The following PYGB variants were observed in gnomAD, a reference collection of about 807,000 sequenced individuals.
PYGB encodes the protein glycogen phosphorylase B, also known as glycogen phosphorylase, brain form.
In PYGB, 82 loss-of-function variants were observed where a neutral mutation model predicts 94.3. The ratio of observed to expected loss-of-function variants is 0.87; its 90% CI spans 0.73 to 1.04. The LOEUF (loss-of-function observed/expected upper bound fraction) is 1.04, where lower values mean the gene tolerates loss of function less well. Ranked by LOEUF, PYGB falls within the 50% of genes least tolerant of loss-of-function variation. PYGB has a pLI of 0.00. For synonymous variants in PYGB, 488 were observed against 479.1 expected (o/e 1.02, Z -0.24); for missense variants, 1,132 against 1,158.2 (o/e 0.98, Z 0.33).
At chr20:25,261,308 C>T (rs556541407) in intron 2 of PYGB, among the ~76,000 whole-genome samples, 30 of 152,334 alleles carry the variant, frequency 2.0e-4, no homozygotes, top group Non-Finnish European at 3.2e-4. Context: ...CAGGCAGCAA[C>T]GTTTGCTGTT....
intron 2 of PYGB, among the ~76,000 whole-genome samples, chr20:25,268,167 C>CCT (rs1555806073): frequency 1.1e-5 from 1 of 94,922 alleles, no homozygotes; most frequent in South Asian, 5.1e-4. Flanking sequence ...ACCCGCCCCC[C>CCT]CCCCATATCC....
chr20:25,261,023 G>C (rs1057006631), intron 2 of PYGB, among the ~76,000 whole-genome samples: 1 of 152,222 alleles, frequency 6.6e-6, no homozygotes, highest in Non-Finnish European at 1.5e-5. Context: ...AAGTAGGCCT[G>C]CCTGCCTCTG....
Position 25,296,722 on chromosome 20 carries a change from TGTAAA to T in PYGB, c.*202_*206del. On this transcript the variant is annotated 3_prime_UTR_variant, in exon 20 of 20. Coordinates refer to ENST00000216962, the MANE Select transcript of PYGB (RefSeq NM_002862.4). ...TGTGCTAGAAGTGCTCCTAGTTTCTTGTAAAGGAAGCCAGAGTTGACAGTACAAAG... is the reference window on the plus strand; with the variant it reads ...TGTGCTAGAAGTGCTCCTAGTTTCTTGGAAGCCAGAGTTGACAGTACAAAG... The T allele has an allele frequency of 2.8e-6, 2 of 714,860 alleles. No homozygotes were observed. The highest frequency in any genetic ancestry group is 4.4e-6 in the Non-Finnish European group (2 of 452,264). 44.3% of individuals were successfully genotyped at this position (714,860 alleles called of 1,614,324 possible). A position where few individuals can be genotyped will look rare whatever the true frequency, so the allele number is the denominator to read the frequency against.
At chr20:25,254,249 G>C (rs1483854383) in intron 1 of PYGB, among the ~76,000 whole-genome samples, 1 of 152,074 alleles carries the variant, frequency 6.6e-6, no homozygotes, top group Admixed American at 6.6e-5. Context: ...GTCACCAGCT[G>C]TCCTGCTTAA....
chr20:25,279,713 G>T (rs560462486), intron 9 of PYGB, among the ~76,000 whole-genome samples: 1 of 152,136 alleles, frequency 6.6e-6, no homozygotes, highest in East Asian at 1.9e-4. Flanking sequence ...AGCCAGGTGT[G>T]GCAGCACACA....
chr20:25,285,997 C>T (rs6107022), intron 14 of PYGB, among the ~76,000 whole-genome samples: 12,062 of 152,308 alleles, frequency 0.079, 700 homozygotes, highest in South Asian at 0.18. Context: ...GTCTTAACTC[C>T]ACTTCCTTCC....
intron 17 of PYGB, chr20:25,293,913 T>G: frequency 1.8e-6 from 1 of 545,842 alleles, no homozygotes; most frequent in Non-Finnish European, 3.3e-6. Context: ...GTGATGACAT[T>G]TCTTTAACAG....
chr20:25,285,478 C>CGTCA (rs1447846368), intron 14 of PYGB: 1 of 151,812 alleles, frequency 6.6e-6, no homozygotes, highest in African/African-American at 2.4e-5. Context: ...CACCCCCAGT[C>CGTCA]GTCAGTTGTT....
At chr20:25,291,643 C>T (rs888912898) in intron 16 of PYGB, among the ~76,000 whole-genome samples, 9 of 152,086 alleles carry the variant, frequency 5.9e-5, no homozygotes, top group Admixed American at 2.0e-4. Flanking sequence ...CTCCTCTGAC[C>T]GAAGCATCTC....
At chr20:25,257,395 C>T (rs2092904727) in intron 1 of PYGB, among the ~76,000 whole-genome samples, 1 of 152,224 alleles carries the variant, frequency 6.6e-6, no homozygotes, top group South Asian at 2.1e-4. Context: ...CTAGGCCCAG[C>T]ACTTCCCGTG....
chr20:25,278,476 C>T lies in PYGB; in HGVS notation c.999+14C>T, dbSNP rs200861283. 26 of 1,613,100 alleles carry T rather than the reference C, an allele frequency of 1.6e-5. No homozygotes were observed. Among genetic ancestry groups the T allele is most frequent in the Non-Finnish European group, 2.2e-5 (26 of 1,179,302 alleles). ...TTCCCAGACAAGGTGCATGGTGGCC[C>T]TGGGAGGGATCTCAGTGCCAGGGGC... On this transcript the variant is annotated intron_variant, in intron 8 of 19. Transcript: ENST00000216962.
At chr20:25,274,800 A>C in intron 5 of PYGB, 77 bp downstream of exon 5, 1 of 1,542,340 alleles carries the variant, frequency 6.5e-7, no homozygotes. Context: ...TAGACAGCTC[A>C]GCTTCTTTTG....
chr20:25,266,849 C>A (rs1303069338), intron 2 of PYGB, among the ~76,000 whole-genome samples: 1 of 152,206 alleles, frequency 6.6e-6, no homozygotes, highest in African/African-American at 2.4e-5. Flanking sequence ...ATCATAAACA[C>A]AGAGAACAAG....
At chr20:25,264,495 G>C in intron 2 of PYGB, among the ~76,000 whole-genome samples, 1 of 152,164 alleles carries the variant, frequency 6.6e-6, no homozygotes. Flanking sequence ...GTCCCTGTTT[G>C]CTGATGACAT....
In PYGB at chr20:25,286,905, T is replaced by A. The variant is rs1396445525; in HGVS notation, c.1769-1520T>A. Among the ~76,000 whole-genome samples, 5 of 152,354 alleles carry A rather than the reference T, an allele frequency of 3.3e-5. No homozygotes were observed. In the East Asian group the frequency reaches 7.7e-4, roughly 24 times the overall value. On this transcript the variant is annotated intron_variant, in intron 14 of 19. Transcript: ENST00000216962. ...TTCTTTCCTAGTTGTGGTGAAATCA[T>A]CACTTGTGTGTTTCGTTTTTCCTGT... is the stretch of plus-strand genomic sequence containing the variant.
intron 5 of PYGB, among the ~76,000 whole-genome samples, chr20:25,276,357 T>G (rs2123559983): frequency 6.6e-6 from 1 of 152,126 alleles, no homozygotes. Context: ...GGATGATTCT[T>G]CAGTCAAAGC....
chr20:25,263,544 A>G (rs1003075296), intron 2 of PYGB, among the ~76,000 whole-genome samples: 105 of 152,350 alleles, frequency 6.9e-4, no homozygotes, highest in African/African-American at 2.5e-3. Flanking sequence ...CAAGACTAAT[A>G]AAGAGGAAAA....
At chr20:25,272,759 C>T (rs1005483378) in intron 4 of PYGB, among the ~76,000 whole-genome samples, 1 of 152,210 alleles carries the variant, frequency 6.6e-6, no homozygotes, top group African/African-American at 2.4e-5. Context: ...CTCCGCGTGC[C>T]TGAGCTCCAG....
In PYGB at chr20:25,259,149, G is replaced by A. The variant is rs2092908267; in HGVS notation, c.244-88G>A. The stretch of plus-strand genomic sequence containing the variant: ...GACATAAATGAAATCCCGAGTGGGG[G>A]CTTGGCTTCATGGGTCGTGTCATCT... On this transcript the variant is annotated intron_variant, in intron 1 of 19. Coordinates refer to ENST00000216962, the MANE Select transcript of PYGB (RefSeq NM_002862.4). The A allele has an allele frequency of 1.3e-5, 15 of 1,169,126 alleles. 1 individual carries two copies. In the South Asian group the frequency reaches 1.6e-4, roughly 13 times the overall value. The allele number at this position is 1,169,126 out of a possible 1,614,324, so 72.4% of individuals were successfully genotyped here.
Sources: allele counts gnomAD v4.1 joint callset (sites outside exome capture counted in the v4.1 genomes callset), GRCh38; gene constraint gnomAD v4.1.1; transcripts MANE v1.5; gene names NCBI Gene and HGNC (gene_info 2026-07-23, HGNC 2026-07-21).